The following ANO6 variants were observed in gnomAD, a reference collection of about 807,000 sequenced individuals.
The protein encoded by ANO6 is anoctamin-6.
In ANO6, 106 loss-of-function variants were observed where a neutral mutation model predicts 117.5. The ratio of observed to expected loss-of-function variants is 0.90; its 90% CI spans 0.77 to 1.06. The LOEUF (loss-of-function observed/expected upper bound fraction) is 1.06. Ranked by LOEUF, ANO6 falls within the 50% of genes least tolerant of loss-of-function variation. The pLI, the probability that ANO6 is intolerant of heterozygous loss-of-function variation, is 0.00. For missense variants in ANO6, 955 were observed against 1,121.1 expected, an observed-to-expected ratio of 0.85 and a Z score of 2.12; for synonymous variants, 367 against 385.1, an observed-to-expected ratio of 0.95 and a Z score of 0.55.
At chr12:45,323,138 G>C (rs1940337301) in intron 2 of ANO6, among the ~76,000 whole-genome samples, 1 of 152,138 alleles carries the variant, frequency 6.6e-6, no homozygotes, top group South Asian at 2.1e-4. Context: ...AAGAGGCTAG[G>C]AGAAGGGGAG....
chr12:45,440,024 G>C (rs1943753374), exon 20 of ANO6: 1 of 1,301,024 alleles, frequency 7.7e-7, no homozygotes, highest in Non-Finnish European at 9.9e-7. Context: ...GAGTAGCATT[G>C]TTTGGCTCAT....
At chr12:45,386,720 C>T (rs1343706175) in intron 10 of ANO6, among the ~76,000 whole-genome samples, 1 of 152,236 alleles carries the variant, frequency 6.6e-6, no homozygotes, top group Non-Finnish European at 1.5e-5. Flanking sequence ...GCTGCCCCAC[C>T]TCCATCACAC....
Position 45,416,771 on chromosome 12 carries a change from A to G in ANO6, c.2084A>G (p.Asn695Ser). ...PLAPLLALVN[N>S]ILEIRVDAWK... Reference sequence around the variant, plus strand: ...GCCCCTCTGTTGGCTCTCGTGAACAATATATTGGAAATAAGAGTGGACGCA... The same window carrying G: ...GCCCCTCTGTTGGCTCTCGTGAACAGTATATTGGAAATAAGAGTGGACGCA... The change falls in exon 17 of 20, where the codon AAT becomes AGT. Residue 695 changes from asparagine to serine, a missense_variant. Physicochemically the swap from Asn to Ser is conservative, Grantham distance 46. Transcript: ENST00000320560. 1 of 1,614,152 alleles carries G rather than the reference A, an allele frequency of 6.2e-7. No individual in the cohort carries two copies. Among genetic ancestry groups the G allele is most frequent in the South Asian group, 1.1e-5 (1 of 91,072 alleles).
chr12:45,430,916 G>T lies in ANO6; in HGVS notation c.*1605G>T. Reference sequence around the variant, plus strand: ...CATGCTGCATGGGCTTCACTGGGATGCTGTTAAACACCAGAGGAGCCAACC... The same window carrying T: ...CATGCTGCATGGGCTTCACTGGGATTCTGTTAAACACCAGAGGAGCCAACC... On this transcript the variant is annotated 3_prime_UTR_variant, in exon 20 of 20. Coordinates refer to ENST00000320560, the MANE Select transcript of ANO6 (RefSeq NM_001025356.3). 7 of 985,418 alleles carry T rather than the reference G, an allele frequency of 7.1e-6. No individual in the cohort carries two copies. Among genetic ancestry groups the T allele is most frequent in the Non-Finnish European group, 8.4e-6 (7 of 829,932 alleles). The allele number at this position is 985,418 out of a possible 1,614,324, so 61.0% of individuals were successfully genotyped here. A position where few individuals can be genotyped will look rare whatever the true frequency, so the allele number is the denominator to read the frequency against.
At chr12:45,341,680 G>A (rs1940982142) in intron 3 of ANO6, among the ~76,000 whole-genome samples, 1 of 152,108 alleles carries the variant, frequency 6.6e-6, no homozygotes, top group Non-Finnish European at 1.5e-5. Context: ...GGGGAGTCTA[G>A]GTGACTCTCA....
chr12:45,343,351 C>T (rs1303023303), intron 3 of ANO6, among the ~76,000 whole-genome samples: 1 of 152,138 alleles, frequency 6.6e-6, no homozygotes, highest in Non-Finnish European at 1.5e-5. Flanking sequence ...TGAGCTTTCA[C>T]ATGCTAACTG....
rs1385408720 is a variant in ANO6, at chr12:45,347,034, G to GGTTAGATT, written c.292_293insGTTAGATT (p.Ala98GlyfsTer2). 6.2e-7 allele frequency: 1 copy of GGTTAGATT among 1,614,004 alleles called. No individual in the cohort carries two copies. The highest frequency in any genetic ancestry group is 8.5e-7 in the Non-Finnish European group (1 of 1,179,940). On this transcript the variant is annotated stop_gained and frameshift_variant, in exon 4 of 20. Coordinates refer to ENST00000320560, the MANE Select transcript of ANO6 (RefSeq NM_001025356.3). LOFTEE classifies it high-confidence loss of function. The stretch of plus-strand genomic sequence containing the variant: ...CTTCTTTTGACAGAGGAAAAGACAA[G>GGTTAGATT]CATACGAATCTAACCTTATCTGTCA...
chr12:45,228,238 C>G (rs1485953736), intron 1 of ANO6: 3 of 436,812 alleles, frequency 6.9e-6, no homozygotes, highest in East Asian at 7.5e-5. Flanking sequence ...TCAATTGATC[C>G]TCTTACCTCA....
chr12:45,343,524 C>A (rs531138172), intron 3 of ANO6, among the ~76,000 whole-genome samples: 37 of 152,178 alleles, frequency 2.4e-4, no homozygotes, highest in Non-Finnish European at 4.1e-4. Context: ...AATACTCCAT[C>A]CCTCTACTGT....
At chr12:45,299,503 A>G (rs1565673314) in intron 1 of ANO6, among the ~76,000 whole-genome samples, 1 of 152,290 alleles carries the variant, frequency 6.6e-6, no homozygotes, top group Admixed American at 6.5e-5. Context: ...TTTCTTTTCA[A>G]TTCATAAGTA....
chr12:45,362,859 C>T (rs1941589964), intron 8 of ANO6, among the ~76,000 whole-genome samples: 1 of 152,190 alleles, frequency 6.6e-6, no homozygotes, highest in African/African-American at 2.4e-5. Context: ...CAAATTACAA[C>T]TTAATGCATT....
intron 18 of ANO6, among the ~76,000 whole-genome samples, chr12:45,421,898 A>T (rs996792771): frequency 1.3e-5 from 2 of 152,220 alleles, no homozygotes; most frequent in African/African-American, 4.8e-5. Context: ...ACTGTAGGTC[A>T]TCAACCTTTT....
intron 3 of ANO6, among the ~76,000 whole-genome samples, chr12:45,346,494 A>C (rs1048993793): frequency 2.6e-5 from 4 of 152,204 alleles, no homozygotes; most frequent in Non-Finnish European, 5.9e-5. Context: ...AGAGAAAAAA[A>C]TTATCTGAAT....
intron 9 of ANO6, among the ~76,000 whole-genome samples, chr12:45,371,753 G>C (rs916978135): frequency 6.6e-6 from 1 of 152,324 alleles, no homozygotes; most frequent in East Asian, 1.9e-4. Context: ...AAACCACAAA[G>C]ATGGGGGAAA....
At chr12:45,282,149 G>A (rs1938758901) in intron 1 of ANO6, among the ~76,000 whole-genome samples, 1 of 152,208 alleles carries the variant, frequency 6.6e-6, no homozygotes. Context: ...TTGAAGAACA[G>A]CTTTGAGTGT....
intron 1 of ANO6, among the ~76,000 whole-genome samples, chr12:45,255,816 G>GTCTTTTTTT (rs1937795180): frequency 1.0e-5 from 1 of 100,226 alleles, no homozygotes; most frequent in African/African-American, 4.5e-5. Flanking sequence ...TTCTCCCTGG[G>GTCTTTTTTT]TGTTTTTTTT....
At chr12:45,228,714 G>A (rs1947527522) in intron 1 of ANO6, among the ~76,000 whole-genome samples, 1 of 152,130 alleles carries the variant, frequency 6.6e-6, no homozygotes, top group Admixed American at 6.5e-5. Flanking sequence ...TGGAGGCAGG[G>A]CAGTCAGGTA....
chr12:45,383,775 G>T (rs556628432), intron 10 of ANO6, among the ~76,000 whole-genome samples: 2 of 152,262 alleles, frequency 1.3e-5, no homozygotes, highest in East Asian at 1.9e-4. Context: ...AGGCTCTATT[G>T]TTCCATTTAG....
At chr12:45,357,653 C>T (rs1460406695) in intron 8 of ANO6, among the ~76,000 whole-genome samples, 1 of 152,030 alleles carries the variant, frequency 6.6e-6, no homozygotes, top group African/African-American at 2.4e-5. Flanking sequence ...GGAAACACTC[C>T]AATATTTTAA....
Sources: allele counts gnomAD v4.1 joint callset (sites outside exome capture counted in the v4.1 genomes callset), GRCh38; gene constraint gnomAD v4.1.1; transcripts MANE v1.5; gene names NCBI Gene and HGNC (gene_info 2026-07-23, HGNC 2026-07-21).